The following SORL1 variants were observed in gnomAD, a reference collection of about 807,000 sequenced individuals.
The protein encoded by SORL1 is sortilin related receptor 1, also known as sortilin-related receptor.
SORL1 carries 127 observed loss-of-function variants against 273.7 expected under a neutral mutation model. That is an observed-to-expected ratio of 0.46 (90% CI 0.40 to 0.54). The LOEUF (loss-of-function observed/expected upper bound fraction) is 0.54, where lower values mean the gene tolerates loss of function less well. Ranked by LOEUF, SORL1 falls within the 20% of genes least tolerant of loss-of-function variation. The probability of loss-of-function intolerance (pLI) is 0.00; values close to 1 mark genes in which losing one functional copy is unlikely to be tolerated. For synonymous variants in SORL1, 1,031 were observed against 1,067.4 expected (o/e 0.97, Z 0.66); for missense variants, 2,494 against 2,846.1 (o/e 0.88, Z 2.81).
chr11:121,507,797 C>T (rs1192622432), intron 6 of SORL1, among the ~76,000 whole-genome samples: 1 of 151,788 alleles, frequency 6.6e-6, no homozygotes, highest in African/African-American at 2.4e-5. Context: ...CTACTGACTA[C>T]TCTTTTTGTT....
Position 121,496,946 on chromosome 11 carries a change from G to T in SORL1, c.836G>T (p.Arg279Leu). ...HEPSGYSTVF[R>L]STDFFQSREN... ...CCCTCTGGCTACTCCACTGTCTTCC[G>T]AAGTACAGATTTCTTCCAGTCCCGG... is the stretch of plus-strand genomic sequence containing the variant. Residue 279 changes from arginine to leucine, a missense_variant, in exon 6 of 48, where the codon CGA (arginine) becomes CTA (leucine). By Grantham distance (102) the Arg-to-Leu change is moderately radical (BLOSUM62 -2). Transcript: ENST00000260197. The T allele has an allele frequency of 6.2e-7, 1 of 1,613,656 alleles. No individual in the cohort carries two copies. Among genetic ancestry groups the T allele is most frequent in the Non-Finnish European group, 8.5e-7 (1 of 1,179,944 alleles).
intron 6 of SORL1, among the ~76,000 whole-genome samples, chr11:121,505,859 T>C (rs887887027): frequency 1.3e-5 from 2 of 152,216 alleles, no homozygotes; most frequent in Non-Finnish European, 2.9e-5. Flanking sequence ...TAACATCTGT[T>C]ATCCTTGAGA....
Position 121,596,398 on chromosome 11 carries a change from C to G in SORL1, c.4519+626C>G, listed in dbSNP as rs1000971886. On this transcript the variant is annotated intron_variant, in intron 32 of 47. Coordinates refer to ENST00000260197, the MANE Select transcript of SORL1 (RefSeq NM_003105.6). The surrounding 1 kb of genome is among the most constrained non-coding windows in gnomAD (Gnocchi z 4.3). The stretch of plus-strand genomic sequence containing the variant: ...CTTTGCAGTGAGTGATGGAGGGAGA[C>G]ACTGGCTTCTGCAAGCGTTTATCCT... 2.0e-5 allele frequency among the ~76,000 whole-genome samples: 3 copies of G among 152,220 alleles called. No homozygotes were observed. Among genetic ancestry groups the G allele is most frequent in the Non-Finnish European group, 4.4e-5 (3 of 68,040 alleles).
Position 121,625,168 on chromosome 11 carries a change from C to T in SORL1, c.6255C>T (p.Ser2085=), listed in dbSNP as rs749987956. 2.5e-6 allele frequency: 4 copies of T among 1,613,646 alleles called. No homozygotes were observed. In the Admixed American group the frequency reaches 5.0e-5, roughly 20 times the overall value. Reference sequence around the variant, plus strand: ...CTACTGACAATTTCTTTAAAATTTCCAACCTGAAGATGGGTCATAATTACA... The same window carrying T: ...CTACTGACAATTTCTTTAAAATTTCTAACCTGAAGATGGGTCATAATTACA... ...GNTTDNFFKI[S]NLKMGHNYTF... is the part of the protein sequence containing the mutation. The change falls in exon 46 of 48, where the codon TCC becomes TCT. Residue 2085 remains serine (S), a synonymous_variant. Transcript: ENST00000260197.
chr11:121,470,300 G>A (rs910689441), intron 2 of SORL1, among the ~76,000 whole-genome samples, 177 bp downstream of exon 2: 17 of 152,216 alleles, frequency 1.1e-4, no homozygotes, highest in African/African-American at 4.1e-4. Flanking sequence ...AACACAGGGA[G>A]GTGCAGTCAG....
chr11:121,607,041 T>C, intron 36 of SORL1, 84 bp downstream of exon 36: 1 of 1,156,342 alleles, frequency 8.6e-7, no homozygotes, highest in Non-Finnish European at 1.3e-6. Flanking sequence ...GGGGGTTGAT[T>C]TGGTTTAGCT....
In SORL1 at chr11:121,502,221, C is replaced by T. The variant is rs190316879; in HGVS notation, c.939+5172C>T. On this transcript the variant is annotated intron_variant, in intron 6 of 47. Transcript: ENST00000260197. ...TGTGATCTCGGCTCACTGCAAGCTC[C>T]GCCTCCTGGGTTCATGCCATTCTCC... 4.9e-3 allele frequency among the ~76,000 whole-genome samples: 704 copies of T among 144,328 alleles called. 4 individuals are homozygous for T. Among genetic ancestry groups the T allele is most frequent in the African/African-American group, 0.017 (661 of 38,760 alleles). 94.7% of individuals were successfully genotyped at this position (144,328 alleles called of 152,430 possible). A position where few individuals can be genotyped will look rare whatever the true frequency, so the allele number is the denominator to read the frequency against.
chr11:121,568,978 G>A (rs552689534), intron 22 of SORL1, among the ~76,000 whole-genome samples: 40 of 152,332 alleles, frequency 2.6e-4, no homozygotes, highest in African/African-American at 8.7e-4. Context: ...GACCCCGAAC[G>A]GAGGGACCAG....
chr11:121,614,800 C>A, intron 40 of SORL1, 71 bp from the exon 41 acceptor site: 2 of 1,230,586 alleles, frequency 1.6e-6, no homozygotes, highest in African/African-American at 1.5e-5. Context: ...TAAAAAAGTG[C>A]ATGTACCAAG....
Position 121,605,209 on chromosome 11 carries a change from C to A in SORL1, c.4748C>A (p.Ser1583Tyr). 6.2e-7 allele frequency: 1 copy of A among 1,613,796 alleles called. No homozygotes were observed. Among genetic ancestry groups the A allele is most frequent in the South Asian group, 1.1e-5 (1 of 91,012 alleles). ...TGGATGAGGCCCAAAAAAATGCCCTCTGCTTCTTGTGTATATAATGTCTAC... is the reference window on the plus strand; with the variant it reads ...TGGATGAGGCCCAAAAAAATGCCCTATGCTTCTTGTGTATATAATGTCTAC... ...LTWMRPKKMP[S>Y]ASCVYNVYYR... The change falls in exon 34 of 48, where the codon TCT (serine) becomes TAT (tyrosine). Residue 1583 changes from serine to tyrosine, a missense_variant. Transcript: ENST00000260197.
chr11:121,454,593 G>T (rs2134760225), intron 1 of SORL1, among the ~76,000 whole-genome samples: 1 of 152,280 alleles, frequency 6.6e-6, no homozygotes, highest in East Asian at 1.9e-4. Context: ...GGGTACAAGG[G>T]TGAGATTTTT....
intron 28 of SORL1, among the ~76,000 whole-genome samples, chr11:121,588,869 C>T (rs991894390): frequency 5.9e-5 from 9 of 152,186 alleles, no homozygotes; most frequent in Non-Finnish European, 1.0e-4. Context: ...CTGTACACAT[C>T]TGTGTCTAAA....
At chr11:121,552,616 G>C (rs1862522436) in intron 16 of SORL1, among the ~76,000 whole-genome samples, 1 of 152,138 alleles carries the variant, frequency 6.6e-6, no homozygotes, top group Admixed American at 6.5e-5. Flanking sequence ...CAAAAGGGGA[G>C]GTAGGTTACC....
intron 8 of SORL1, among the ~76,000 whole-genome samples, chr11:121,515,425 C>G (rs1370622667): frequency 6.6e-6 from 1 of 152,120 alleles, no homozygotes; most frequent in Non-Finnish European, 1.5e-5. Flanking sequence ...AGGAACCAGG[C>G]AGACCCCTGG....
intron 32 of SORL1, among the ~76,000 whole-genome samples, chr11:121,597,452 G>T (rs1345649391): frequency 2.0e-5 from 3 of 149,226 alleles, no homozygotes. Context: ...TTGTGTGTTT[G>T]TTTGTTTTTT....
chr11:121,589,505 G>A (rs1314318060), intron 29 of SORL1, 115 bp downstream of exon 29: 2 of 1,296,162 alleles, frequency 1.5e-6, no homozygotes, highest in East Asian at 2.4e-5. Flanking sequence ...CCGTAACTCA[G>A]CAGCAGTTGC....
chr11:121,622,182 G>A lies in SORL1; in HGVS notation c.6085G>A (p.Ala2029Thr), dbSNP rs533204629. 4.4e-6 allele frequency: 7 copies of A among 1,608,506 alleles called. No homozygotes were observed. Among genetic ancestry groups the A allele is most frequent in the African/African-American group, 1.3e-5 (1 of 74,914 alleles). Residue 2029 changes from alanine (A) to threonine (T), a missense_variant, in exon 45 of 48, where the codon GCC (alanine) becomes ACC (threonine). By Grantham distance (58) the Ala-to-Thr change is moderately conservative (BLOSUM62 0). This residue lies in a region of SORL1 where 1,609 missense variants were observed against 1,816.4 expected (regional missense o/e 0.89). Coordinates refer to ENST00000260197, the MANE Select transcript of SORL1 (RefSeq NM_003105.6). ...TTCAGTTTCATTATCAGCACCTGAT[G>A]CCTTAAAAATCATAACAGAAAATGA... ...ITTVSLSAPD[A>T]LKIITENDHV...
intron 35 of SORL1, 79 bp downstream of exon 35, chr11:121,605,650 G>T: frequency 8.6e-7 from 1 of 1,156,124 alleles, no homozygotes; most frequent in Non-Finnish European, 1.3e-6. Flanking sequence ...AGTATTCTCA[G>T]GAATGTGGGA....
chr11:121,483,417 C>T (rs548468685), intron 3 of SORL1, among the ~76,000 whole-genome samples: 73 of 152,342 alleles, frequency 4.8e-4, no homozygotes, highest in Middle Eastern at 6.8e-3. Context: ...GCCCTTCCTC[C>T]TCTCATTGTA....
Sources: allele counts gnomAD v4.1 joint callset (sites outside exome capture counted in the v4.1 genomes callset), GRCh38; gene constraint gnomAD v4.1.1; regional missense constraint gnomAD v4.1.1; non-coding constraint Gnocchi (gnomAD v3.1); transcripts MANE v1.5; gene names NCBI Gene and HGNC (gene_info 2026-07-23, HGNC 2026-07-21).